Variants in RANBP9 observed in about 807,000 individuals in gnomAD.
The protein encoded by RANBP9 is RAN binding protein 9.
A neutral mutation model predicts 84.3 loss-of-function variants in RANBP9; 15 were observed. The observed-to-expected ratio is 0.18, with a 90% CI of 0.12 to 0.27. The LOEUF (loss-of-function observed/expected upper bound fraction) is 0.27. RANBP9 is among the 10% of genes least tolerant of loss of function. The probability of loss-of-function intolerance (pLI) is 1.00; values close to 1 mark genes in which losing one functional copy is unlikely to be tolerated. For synonymous variants in RANBP9, 392 were observed against 349.6 expected (o/e 1.12, Z -1.35); for missense variants, 809 against 912.8 (o/e 0.89, Z 1.46).
chr6:13,634,419 A>G lies in RANBP9; in HGVS notation c.1795+12T>C, dbSNP rs766823889. 7.5e-6 allele frequency: 12 copies of G among 1,606,852 alleles called. No homozygotes were observed. Among genetic ancestry groups the G allele is most frequent in the Non-Finnish European group, 9.4e-6 (11 of 1,176,258 alleles). ...ATTTTTTATTAAAAATGTAAGAAAT[A>G]TCACTGCAGACCCATTTCGGTGTCA... On this transcript the variant is annotated intron_variant, in intron 11 of 13. Transcript: ENST00000011619.
chr6:13,656,092 T>TTTTA (rs1765392219), intron 4 of RANBP9, among the ~76,000 whole-genome samples: 1 of 152,180 alleles, frequency 6.6e-6, no homozygotes, highest in African/African-American at 2.4e-5. Context: ...TGAAACACTC[T>TTTTA]TAAAAGAGTA....
chr6:13,644,992 A>T (rs1765149089), intron 5 of RANBP9, among the ~76,000 whole-genome samples: 1 of 152,202 alleles, frequency 6.6e-6, no homozygotes, highest in Non-Finnish European at 1.5e-5. Flanking sequence ...ACGTTGTATT[A>T]TACCACGTGG....
At chr6:13,649,692 TCTC>T (rs1249970274) in intron 5 of RANBP9, among the ~76,000 whole-genome samples, 1 of 151,982 alleles carries the variant, frequency 6.6e-6, no homozygotes, top group Non-Finnish European at 1.5e-5. Flanking sequence ...GCATACTCAA[TCTC>T]CTAACTTAAT....
chr6:13,687,216 C>T (rs1766211622), intron 2 of RANBP9, among the ~76,000 whole-genome samples: 1 of 152,136 alleles, frequency 6.6e-6, no homozygotes, highest in African/African-American at 2.4e-5. Flanking sequence ...CCAAAATCTA[C>T]CTTCAGCCCT....
intron 4 of RANBP9, among the ~76,000 whole-genome samples, chr6:13,656,398 GT>G (rs1372632335): frequency 1.4e-5 from 2 of 138,140 alleles, no homozygotes; most frequent in East Asian, 2.0e-4. Context: ...ATTTTCTATA[GT>G]TTAAAAAAAA....
chr6:13,651,757 T>G (rs781437050), intron 5 of RANBP9, among the ~76,000 whole-genome samples: 1 of 152,070 alleles, frequency 6.6e-6, no homozygotes, highest in African/African-American at 2.4e-5. Context: ...AGTCCTATCA[T>G]GACAAATAAA....
intron 10 of RANBP9, among the ~76,000 whole-genome samples, chr6:13,635,022 T>C (rs1364534504): frequency 2.0e-5 from 3 of 152,156 alleles, no homozygotes; most frequent in South Asian, 4.1e-4. Context: ...CCGGACCTCA[T>C]ACTCAATCCA....
intron 12 of RANBP9, among the ~76,000 whole-genome samples, chr6:13,631,341 G>A (rs1485129780): frequency 6.6e-6 from 1 of 152,102 alleles, no homozygotes; most frequent in Non-Finnish European, 1.5e-5. Flanking sequence ...TCCTAGGCCA[G>A]GCAAGCATGT....
chr6:13,710,015 A>G (rs1217749971), intron 1 of RANBP9, among the ~76,000 whole-genome samples: 1 of 152,220 alleles, frequency 6.6e-6, no homozygotes, highest in Non-Finnish European at 1.5e-5. Context: ...CCACACAAGT[A>G]AACTTGATAC....
intron 5 of RANBP9, among the ~76,000 whole-genome samples, chr6:13,650,144 T>TTTG (rs923845812): frequency 1.3e-5 from 2 of 151,614 alleles, no homozygotes; most frequent in African/African-American, 2.4e-5. Context: ...GGCAGGGTTT[T>TTTG]TTGTTGTTGT....
chr6:13,638,026 C>CAT (rs1764982396), intron 9 of RANBP9, 71 bp from the exon 10 acceptor site: 3 of 1,391,908 alleles, frequency 2.2e-6, no homozygotes, highest in Non-Finnish European at 2.9e-6. Context: ...AACAAGTCTC[C>CAT]ATGTTGATTT....
At chr6:13,642,366 T>A (rs1017448601) in intron 7 of RANBP9, 113 bp downstream of exon 7, 4 of 426,796 alleles carry the variant, frequency 9.4e-6, no homozygotes, top group Non-Finnish European at 1.5e-5. Context: ...GCATCCATTT[T>A]AAATTAATAT....
chr6:13,691,597 A>G (rs1766322333), intron 2 of RANBP9, among the ~76,000 whole-genome samples: 1 of 152,190 alleles, frequency 6.6e-6, no homozygotes. Flanking sequence ...AGGACAATTT[A>G]TTTTAAAAAC....
chr6:13,639,278 A>G (rs1270390195), intron 9 of RANBP9, among the ~76,000 whole-genome samples: 1 of 152,178 alleles, frequency 6.6e-6, no homozygotes, highest in Non-Finnish European at 1.5e-5. Flanking sequence ...TCCAGGATTC[A>G]AGCAATTCTC....
At chr6:13,708,816 A>AACTC (rs1561700150) in intron 1 of RANBP9, among the ~76,000 whole-genome samples, 1 of 139,098 alleles carries the variant, frequency 7.2e-6, no homozygotes, top group Non-Finnish European at 1.6e-5. Flanking sequence ...AACAACGGAA[A>AACTC]ACTCACACAC....
At chr6:13,649,460 A>AG (rs1765245362) in intron 5 of RANBP9, among the ~76,000 whole-genome samples, 1 of 103,174 alleles carries the variant, frequency 9.7e-6, no homozygotes, top group African/African-American at 3.8e-5. Flanking sequence ...GTGCCACAAC[A>AG]GAAAAAAAAA....
chr6:13,641,401 TTAAA>T (rs1244477300), intron 7 of RANBP9, 94 bp from the exon 8 acceptor site: 1 of 692,300 alleles, frequency 1.4e-6, no homozygotes, highest in East Asian at 3.1e-5. Context: ...TAAGAAATCT[TTAAA>T]TAAATTATGA....
At chr6:13,629,555 T>C (rs1764716896) in intron 12 of RANBP9, among the ~76,000 whole-genome samples, 1 of 152,192 alleles carries the variant, frequency 6.6e-6, no homozygotes, top group South Asian at 2.1e-4. Context: ...GTTTAGAATC[T>C]GGAGCAGTTT....
chr6:13,669,610 G>T (rs1448096251), intron 2 of RANBP9, among the ~76,000 whole-genome samples: 1 of 152,110 alleles, frequency 6.6e-6, no homozygotes, highest in South Asian at 2.1e-4. Context: ...GTTGTTTTGC[G>T]ACAAGTAAGG....
Sources: gnomAD v4.1 joint callset for allele counts (sites outside exome capture counted in the v4.1 genomes callset) on GRCh38, gnomAD v4.1.1 for gene constraint, MANE v1.5 for transcripts, NCBI Gene and HGNC (gene_info 2026-07-23, HGNC 2026-07-21) for gene names.